UNC13A: variants seen among roughly 807,000 people sequenced by gnomAD.
UNC13A encodes the protein unc-13 homolog A.
A neutral mutation model predicts 219.7 loss-of-function variants in UNC13A; 61 were observed. That is an observed-to-expected ratio of 0.28 (90% confidence interval 0.23 to 0.34). The LOEUF (loss-of-function observed/expected upper bound fraction) is 0.34, where lower values mean the gene tolerates loss of function less well. Ranked by LOEUF, UNC13A falls within the 10% of genes least tolerant of loss-of-function variation. The pLI is 1.00. For missense variants in UNC13A, 1,476 were observed against 2,270.3 expected (o/e 0.65, Z 7.11); for synonymous variants, 920 against 884.6 (o/e 1.04, Z -0.71).
Position 17,624,860 on chromosome 19 carries a change from G to C in UNC13A, c.4166C>G (p.Thr1389Ser). 6.2e-7 allele frequency: 1 copy of C among 1,613,822 alleles called. No individual in the cohort carries two copies. The highest frequency in any genetic ancestry group is 8.5e-7 in the Non-Finnish European group (1 of 1,179,762). The change falls in exon 35 of 44, where the codon ACC becomes AGC. Residue 1389 changes from threonine (T) to serine (S), a missense_variant. Physicochemically the swap from Thr to Ser is moderately conservative, Grantham distance 58. Around this residue, in one of 14 missense-constraint regions of UNC13A, gnomAD observed 75 missense variants for 100.2 expected, o/e 0.75. Coordinates refer to ENST00000519716, the MANE Select transcript of UNC13A (RefSeq NM_001080421.3). ...GTCAGTGAGGGGCGGCAGGACGATG[G>C]TTTTCTCCATGGTGTTCATAACCAG... ...WKLVMNTMEK[T>S]IVLPPLTDQT... is the part of the protein sequence containing the mutation.
At chr19:17,661,753 G>A (rs1043940788) in intron 8 of UNC13A, among the ~76,000 whole-genome samples, 2 of 152,124 alleles carry the variant, frequency 1.3e-5, no homozygotes, top group African/African-American at 4.8e-5. Flanking sequence ...CTCTAGAAGA[G>A]GCGGGGTATG....
rs1202994071 is a variant in UNC13A, at chr19:17,604,171, C to A, written c.*1883G>T. 1 of 152,254 alleles carries A rather than the reference C, an allele frequency of 6.6e-6. No individual in the cohort carries two copies. Among genetic ancestry groups the A allele is most frequent in the Non-Finnish European group, 1.5e-5 (1 of 68,090 alleles). 9.4% of individuals were successfully genotyped at this position (152,254 alleles called of 1,614,324 possible). On this transcript the variant is annotated 3_prime_UTR_variant, in exon 44 of 44. Coordinates refer to ENST00000519716, the MANE Select transcript of UNC13A (RefSeq NM_001080421.3). ...AATCCATTTCAGTGTCCCCAAAGCACCTCCACCTCTCCTCACTGGTTTTAG... is the reference window on the plus strand; with the variant it reads ...AATCCATTTCAGTGTCCCCAAAGCAACTCCACCTCTCCTCACTGGTTTTAG...
chr19:17,611,969 GA>G (rs1339639025), intron 41 of UNC13A, 114 bp from the exon 42 acceptor site: 20 of 831,174 alleles, frequency 2.4e-5, no homozygotes, highest in Middle Eastern at 3.2e-4. Flanking sequence ...CATCAGCCCT[GA>G]TAGGGAGGCA....
intron 11 of UNC13A, among the ~76,000 whole-genome samples, chr19:17,653,290 GACCACACACACAAGCC>G (rs984694565): frequency 6.6e-6 from 1 of 151,482 alleles, no homozygotes; most frequent in African/African-American, 2.4e-5. Context: ...GAGTAGCTGG[GACCACACACACAAGCC>G]ACCACACTCA....
At chr19:17,620,910 G>A (rs1338252966) in intron 37 of UNC13A, among the ~76,000 whole-genome samples, 188 bp from the exon 38 acceptor site, 1 of 151,954 alleles carries the variant, frequency 6.6e-6, no homozygotes, top group African/African-American at 2.4e-5. Flanking sequence ...GGGTTTAGAG[G>A]TCAGACTCCT....
Position 17,663,472 on chromosome 19 carries a change from TCACCAAGGTGCCCACCTTC to T in UNC13A, c.559+41_559+59del. 1.9e-6 allele frequency: 3 copies of T among 1,588,554 alleles called. No individual in the cohort carries two copies. The South Asian group carries it at 3.4e-5, about 18-fold the overall frequency. On this transcript the variant is annotated intron_variant, in intron 8 of 43. Transcript: ENST00000519716. ...GTGGTAGTGGGGAGGGGCCTTGGGA[TCACCAAGGTGCCCACCTTC>T]CCATGTAACTCCCAGAACATCAATC...
Position 17,674,618 on chromosome 19 carries a change from T to G in UNC13A, c.152+39A>C, listed in dbSNP as rs565611342. The G allele has an allele frequency of 3.5e-4, 550 of 1,588,238 alleles. 1 individual carries two copies. In the South Asian group the frequency reaches 5.6e-3, roughly 16 times the overall value. ...GAGGGGCCAGCGAGGTGCTGGGCTA[T>G]GCCAGGGAGTGAGGTCATGCCAGAC... On this transcript the variant is annotated intron_variant, in intron 3 of 43. Transcript: ENST00000519716. This position sits in a 1 kb window ranked among gnomAD's most constrained non-coding sequence, Gnocchi z 5.0.
intron 43 of UNC13A, among the ~76,000 whole-genome samples, chr19:17,607,112 A>G (rs753400808): frequency 5.3e-5 from 8 of 152,044 alleles, no homozygotes; most frequent in Non-Finnish European, 1.2e-4. Flanking sequence ...AAAGGGGCCA[A>G]TCGCCCCAAA....
At chr19:17,637,795 A>C (rs947080503) in intron 25 of UNC13A, among the ~76,000 whole-genome samples, 4 of 83,744 alleles carry the variant, frequency 4.8e-5, no homozygotes, top group African/African-American at 2.0e-4. Context: ...CTTATGTGTT[A>C]TATCCTATCA....
intron 19 of UNC13A, among the ~76,000 whole-genome samples, chr19:17,643,602 G>A (rs146625359): frequency 1.4e-4 from 22 of 152,224 alleles, no homozygotes; most frequent in African/African-American, 4.3e-4. Context: ...ATAGATACAC[G>A]ATTCTGTAGT....
chr19:17,645,999 G>A lies in UNC13A; in HGVS notation c.2157C>T (p.Leu719=). ...GGAAATTCTCCTCCCACACCGGGTTGAGGTTCCCATAGATGGTTTTTGTCC... is the reference window on the plus strand; with the variant it reads ...GGAAATTCTCCTCCCACACCGGGTTAAGGTTCCCATAGATGGTTTTTGTCC... ...KKRTKTIYGN[L]NPVWEENFHF... Residue 719 remains leucine, a synonymous_variant, in exon 18 of 44, where the codon CTC becomes CTT. Transcript: ENST00000519716. 6.2e-7 allele frequency: 1 copy of A among 1,613,094 alleles called. No homozygotes were observed. The highest frequency in any genetic ancestry group is 8.5e-7 in the Non-Finnish European group (1 of 1,179,494).
chr19:17,601,634 G>T lies in UNC13A; in HGVS notation c.*4420C>A, dbSNP rs551266239. Reference sequence around the variant, plus strand: ...CCTCCCCGGACTGCTTGGCCGGTTTGTGGGGGTCTGAGGGAGCACGAGACA... The same window carrying T: ...CCTCCCCGGACTGCTTGGCCGGTTTTTGGGGGTCTGAGGGAGCACGAGACA... On this transcript the variant is annotated 3_prime_UTR_variant, in exon 44 of 44. Coordinates refer to ENST00000519716, the MANE Select transcript of UNC13A (RefSeq NM_001080421.3). The T allele has an allele frequency of 6.6e-6, 1 of 152,386 alleles. No individual in the cohort carries two copies. Among genetic ancestry groups the T allele is most frequent in the Admixed American group, 6.5e-5 (1 of 15,306 alleles). 9.4% of individuals were successfully genotyped at this position (152,386 alleles called of 1,614,324 possible). A position where few individuals can be genotyped will look rare whatever the true frequency, so the allele number is the denominator to read the frequency against.
intron 29 of UNC13A, 35 bp downstream of exon 29, chr19:17,630,619 A>G (rs768386160): frequency 3.1e-6 from 5 of 1,608,976 alleles, no homozygotes; most frequent in Non-Finnish European, 4.3e-6. Flanking sequence ...CCCAGTGGGA[A>G]GATTAGGAAC....
rs1599409659 is a variant in UNC13A, at chr19:17,673,482, TAA to T, written c.153-989_153-988del. Among the ~76,000 whole-genome samples the T allele has an allele frequency of 2.0e-5, 3 of 150,744 alleles. No homozygotes were observed. The East Asian group carries it at 5.9e-4, about 30-fold the overall frequency. On this transcript the variant is annotated intron_variant, in intron 3 of 43. Coordinates refer to ENST00000519716, the MANE Select transcript of UNC13A (RefSeq NM_001080421.3). ...CCGAGGCGGGTGGATCACCTGAGGTTAAAAGTTCAAGACCAGCCTGGCCAACA... is the reference window on the plus strand; with the variant it reads ...CCGAGGCGGGTGGATCACCTGAGGTTAAGTTCAAGACCAGCCTGGCCAACA...
chr19:17,638,107 C>A (rs987904019), intron 25 of UNC13A, among the ~76,000 whole-genome samples: 1 of 138,778 alleles, frequency 7.2e-6, no homozygotes, highest in Non-Finnish European at 1.6e-5. Flanking sequence ...CCCACAGCCT[C>A]CTGAGATCCC....
In UNC13A at chr19:17,645,806, C is replaced by T. The variant is rs752332782; in HGVS notation, c.2224G>A (p.Val742Ile). 31 of 1,613,126 alleles carry T rather than the reference C, an allele frequency of 1.9e-5. No homozygotes were observed. The highest frequency in any genetic ancestry group is 2.5e-5 in the Non-Finnish European group (30 of 1,179,602). Residue 742 changes from valine to isoleucine, a missense_variant, in exon 19 of 44, where the codon GTC becomes ATC. Val to Ile is a conservative substitution (Grantham distance 29). This residue lies in a region of UNC13A where 66 missense variants were observed against 224.3 expected (regional missense o/e 0.29). Coordinates refer to ENST00000519716, the MANE Select transcript of UNC13A (RefSeq NM_001080421.3). ...TTGATGTCGTCATCCTCGTCCCAGA[C>T]GCGCACCTTGATGCGGTCGGAGGAA... ...HNSSDRIKVR[V>I]WDEDDDIKSR... is the part of the protein sequence containing the mutation.
At chr19:17,623,362 C>T (rs2076749073) in intron 36 of UNC13A, 180 bp downstream of exon 36, 3 of 529,948 alleles carry the variant, frequency 5.7e-6, no homozygotes, top group Non-Finnish European at 9.9e-6. Context: ...CCCTCCCTCC[C>T]AGCCCCGCCC....
At chr19:17,666,191 T>TTCTCTCTCTCTCTCTCTC (rs373186552) in intron 7 of UNC13A, among the ~76,000 whole-genome samples, 2 of 42,978 alleles carry the variant, frequency 4.7e-5, no homozygotes, top group Non-Finnish European at 1.4e-4. Flanking sequence ...CTCTCTCTCT[T>TTCTCTCTCTCTCTCTCTC]TCTCTCTTTC....
At chr19:17,662,338 T>C (rs1313130489) in intron 8 of UNC13A, among the ~76,000 whole-genome samples, 1 of 152,102 alleles carries the variant, frequency 6.6e-6, no homozygotes, top group East Asian at 1.9e-4. Context: ...GAGAATCTAA[T>C]GCCTGATGAT....
Sources: allele counts gnomAD v4.1 joint callset (sites outside exome capture counted in the v4.1 genomes callset), GRCh38; gene constraint gnomAD v4.1.1; regional missense constraint gnomAD v4.1.1; non-coding constraint Gnocchi (gnomAD v3.1); transcripts MANE v1.5; gene names NCBI Gene and HGNC (gene_info 2026-07-23, HGNC 2026-07-21).